MYLK4: variants seen among roughly 807,000 people sequenced by gnomAD.
MYLK4 encodes the protein caMLCK like.
In MYLK4, 46 loss-of-function variants were observed where a neutral mutation model predicts 48.1. The observed-to-expected ratio is 0.96, with a 90% CI of 0.75 to 1.22. The LOEUF (loss-of-function observed/expected upper bound fraction) is 1.22. MYLK4 is among the 50% of genes most tolerant of loss of function. The pLI is 0.00. For synonymous variants in MYLK4, 170 were observed against 180.8 expected (o/e 0.94, Z 0.48); for missense variants, 451 against 486.1 (o/e 0.93, Z 0.68).
rs917102991 is a variant in MYLK4 at position 2,685,168 on chromosome 6, G to A, written c.545+128C>T. Reference sequence around the variant, plus strand: ...TAGAACTGATGTGATTGTGTGATCCGCGCGAATCAGAGTCTGCGGGGGCGA... The same window carrying A: ...TAGAACTGATGTGATTGTGTGATCCACGCGAATCAGAGTCTGCGGGGGCGA... On this transcript the variant is annotated intron_variant, in intron 6 of 12. Coordinates refer to ENST00000274643, the MANE Select transcript of MYLK4 (RefSeq NM_001012418.5). This position sits in a 1 kb window ranked among gnomAD's most constrained non-coding sequence, Gnocchi z 4.5. 2.3e-5 allele frequency: 16 copies of A among 682,780 alleles called. No homozygotes were observed. The highest frequency in any genetic ancestry group is 7.0e-5 in the African/African-American group (4 of 57,156). The allele number at this position is 682,780 out of a possible 1,614,324, so 42.3% of individuals were successfully genotyped here. A position where few individuals can be genotyped will look rare whatever the true frequency, so the allele number is the denominator to read the frequency against.
intron 2 of MYLK4, among the ~76,000 whole-genome samples, chr6:2,715,346 A>G (rs2113265800): frequency 6.6e-6 from 1 of 152,164 alleles, no homozygotes; most frequent in South Asian, 2.1e-4. Context: ...GCTGCACGAC[A>G]ATGTGAATGT....
At chr6:2,736,539 A>G (rs560732844) in intron 2 of MYLK4, among the ~76,000 whole-genome samples, 1 of 152,384 alleles carries the variant, frequency 6.6e-6, no homozygotes, top group South Asian at 2.1e-4. Context: ...TCATGCAAAA[A>G]CATAATACTG....
chr6:2,674,835 C>A (rs1335494386), intron 11 of MYLK4, among the ~76,000 whole-genome samples: 1 of 152,168 alleles, frequency 6.6e-6, no homozygotes, highest in African/African-American at 2.4e-5. Context: ...CGTGCCATTG[C>A]ACTCTAGTTT....
intron 2 of MYLK4, among the ~76,000 whole-genome samples, chr6:2,726,988 A>G (rs1292428813): frequency 1.3e-5 from 2 of 152,212 alleles, no homozygotes; most frequent in Admixed American, 6.5e-5. Flanking sequence ...CTGTATTATT[A>G]TCTCACAGCG....
the MYLK4 span, chr6:2,766,022 C>G: frequency 7.5e-7 from 1 of 1,325,540 alleles, no homozygotes; most frequent in East Asian, 3.1e-5. Flanking sequence ...CTCCAGCAGC[C>G]CCGGGAGGAA....
chr6:2,731,746 T>C (rs1171346519), intron 2 of MYLK4, among the ~76,000 whole-genome samples: 1 of 152,212 alleles, frequency 6.6e-6, no homozygotes, highest in Non-Finnish European at 1.5e-5. Context: ...CGTTGGGTGC[T>C]TAATGAATAC....
intron 2 of MYLK4, among the ~76,000 whole-genome samples, chr6:2,693,788 G>A (rs546524517): frequency 5.2e-5 from 7 of 134,302 alleles, no homozygotes; most frequent in South Asian, 2.3e-4. Flanking sequence ...ATGGAGTTTC[G>A]CTCTTGTTGC....
At chr6:2,765,618 C>T in the MYLK4 span, 5 of 1,517,240 alleles carry the variant, frequency 3.3e-6, no homozygotes, top group Admixed American at 2.0e-5. Context: ...AGGGCGGCGG[C>T]CGCCATGGAG....
chr6:2,688,372 C>A (rs533053152), intron 4 of MYLK4, among the ~76,000 whole-genome samples: 3 of 152,302 alleles, frequency 2.0e-5, no homozygotes, highest in Non-Finnish European at 4.4e-5. Flanking sequence ...AATCTTCCTT[C>A]TTTAGGGAGA....
intron 6 of MYLK4, among the ~76,000 whole-genome samples, 176 bp from the exon 7 acceptor site, chr6:2,683,338 T>A (rs1761390914): frequency 6.6e-6 from 1 of 151,966 alleles, no homozygotes; most frequent in African/African-American, 2.4e-5. Flanking sequence ...GGCCTGTATT[T>A]TATATACCTT....
chr6:2,764,163 G>A, the MYLK4 span, among the ~76,000 whole-genome samples: 1 of 152,244 alleles, frequency 6.6e-6, no homozygotes, highest in South Asian at 2.1e-4. Flanking sequence ...TCCTCTTTTG[G>A]TAGTTTCACG....
In MYLK4 at chr6:2,678,263, C is replaced by T. The variant is rs376817677; in HGVS notation, c.997G>A (p.Glu333Lys). 4.3e-5 allele frequency: 70 copies of T among 1,614,054 alleles called. No homozygotes were observed. The African/African-American group carries it at 8.5e-4, about 20-fold the overall frequency. ...AGCTTAGAGATGAACTCCTTGGCCTCCTCCGAGATGTCCTGAAATTCTTCA... is the reference window on the plus strand; with the variant it reads ...AGCTTAGAGATGAACTCCTTGGCCTTCTCCGAGATGTCCTGAAATTCTTCA... ...EDEEFQDISE[E>K]AKEFISKLLI... The change falls in exon 10 of 13, where the codon GAG (glutamate) becomes AAG (lysine). Residue 333 changes from glutamate (E) to lysine (K), a missense_variant. By Grantham distance (56) the Glu-to-Lys change is moderately conservative. Coordinates refer to ENST00000274643, the MANE Select transcript of MYLK4 (RefSeq NM_001012418.5).
chr6:2,724,313 C>A (rs1763172355), intron 2 of MYLK4, among the ~76,000 whole-genome samples: 1 of 152,208 alleles, frequency 6.6e-6, no homozygotes, highest in African/African-American at 2.4e-5. Flanking sequence ...AGTGTTCCTG[C>A]TCCTGAGGTT....
chr6:2,689,039 A>G (rs1761674430), intron 3 of MYLK4, 83 bp from the exon 4 acceptor site: 1 of 1,021,036 alleles, frequency 9.8e-7, no homozygotes, highest in Non-Finnish European at 1.5e-6. Flanking sequence ...CATAGTAAAA[A>G]TGTGCTCATT....
chr6:2,762,490 G>C, the MYLK4 span, among the ~76,000 whole-genome samples: 3 of 152,158 alleles, frequency 2.0e-5, no homozygotes, highest in Admixed American at 6.5e-5. Flanking sequence ...TGGGTTAATT[G>C]ATCATGTGGC....
At chr6:2,767,805 GCT>G in the MYLK4 span, among the ~76,000 whole-genome samples, 1 of 152,192 alleles carries the variant, frequency 6.6e-6, no homozygotes, top group Non-Finnish European at 1.5e-5. Flanking sequence ...GGTCCAGGCT[GCT>G]CAGTGAGATG....
chr6:2,682,988 G>A, intron 7 of MYLK4, 33 bp downstream of exon 7: 1 of 1,613,814 alleles, frequency 6.2e-7, no homozygotes, highest in Non-Finnish European at 8.5e-7. Context: ...GCTGGGAAGG[G>A]CTTACGTCTC....
chr6:2,737,977 C>CGGGGGGGGGGGG (rs1158504264), intron 2 of MYLK4, among the ~76,000 whole-genome samples: 1 of 2,532 alleles, frequency 3.9e-4, no homozygotes, highest in Admixed American at 4.1e-3. Context: ...GTGCCGGGGG[C>CGGGGGGGGGGGG]GGGTGGGGGG....
At chr6:2,678,671 C>T (rs1761177001) in intron 9 of MYLK4, among the ~76,000 whole-genome samples, 1 of 151,500 alleles carries the variant, frequency 6.6e-6, no homozygotes, top group South Asian at 2.1e-4. Context: ...GGCATGTCAC[C>T]TCTGAGGGGT....
Sources: gnomAD v4.1 joint callset for allele counts (sites outside exome capture counted in the v4.1 genomes callset) on GRCh38, gnomAD v4.1.1 for gene constraint, Gnocchi (gnomAD v3.1) non-coding constraint, MANE v1.5 for transcripts, NCBI Gene and HGNC (gene_info 2026-07-23, HGNC 2026-07-21) for gene names.